PHKA1: variants seen among roughly 807,000 people sequenced by gnomAD.
The protein encoded by PHKA1 is phosphorylase kinase regulatory subunit alpha 1, also known as phosphorylase b kinase regulatory subunit alpha, skeletal muscle isoform.
A neutral mutation model predicts 110.2 loss-of-function variants in PHKA1; 60 were observed. The ratio of observed to expected loss-of-function variants is 0.54; its 90% CI spans 0.44 to 0.68. The LOEUF (loss-of-function observed/expected upper bound fraction) is 0.68. PHKA1 is among the 30% of genes least tolerant of loss of function. The pLI, the probability that PHKA1 is intolerant of heterozygous loss-of-function variation, is 0.00. For synonymous variants in PHKA1, 316 were observed against 333.6 expected, an observed-to-expected ratio of 0.95 and a Z score of 0.58; for missense variants, 801 against 942.5, an observed-to-expected ratio of 0.85 and a Z score of 1.97.
At chrX:72,644,735 T>G (rs1484842313) in intron 13 of PHKA1, among the ~76,000 whole-genome samples, 1 of 111,928 alleles carries the variant, frequency 8.9e-6, no homozygotes, top group Non-Finnish European at 1.9e-5. Flanking sequence ...TAAATACTTA[T>G]GTGCTCCTAG....
At chrX:72,583,459 G>C (rs1461533298) in intron 30 of PHKA1, among the ~76,000 whole-genome samples, 1 of 111,667 alleles carries the variant, frequency 9.0e-6, no homozygotes, top group Non-Finnish European at 1.9e-5. Context: ...AAAGACAAAT[G>C]GGGGACATGG....
intron 16 of PHKA1, among the ~76,000 whole-genome samples, chrX:72,628,601 T>A (rs1378789050): frequency 1.9e-4 from 20 of 104,875 alleles, no homozygotes; most frequent in African/African-American, 5.9e-4. Flanking sequence ...TATATATTTT[T>A]TTTTTTCAAA....
At chrX:72,589,537 T>C (rs1438779344) in intron 29 of PHKA1, among the ~76,000 whole-genome samples, 1 of 111,720 alleles carries the variant, frequency 9.0e-6, no homozygotes, top group Non-Finnish European at 1.9e-5. Flanking sequence ...ATGCCCTCTC[T>C]CACTATTCCT....
chrX:72,713,085 T>C (rs1239139694), intron 1 of PHKA1, 148 bp from the exon 2 acceptor site: 11 of 563,765 alleles, frequency 2.0e-5, no homozygotes, highest in Non-Finnish European at 3.0e-5. Flanking sequence ...TTCTGACCTA[T>C]TGCAGGCAAA....
chrX:72,700,727 CA>C (rs1416525515), intron 3 of PHKA1, among the ~76,000 whole-genome samples: 2 of 111,202 alleles, frequency 1.8e-5, no homozygotes, highest in Admixed American at 1.9e-4. Flanking sequence ...GTTTTATAAT[CA>C]GCTATAAAAT....
intron 23 of PHKA1, among the ~76,000 whole-genome samples, chrX:72,607,906 T>C (rs1440935729): frequency 9.0e-6 from 1 of 111,447 alleles, no homozygotes; most frequent in Non-Finnish European, 1.9e-5. Context: ...CTAGGCCAAA[T>C]GCCAGGCCTG....
At chrX:72,633,048 C>A (rs782575399) in intron 16 of PHKA1, among the ~76,000 whole-genome samples, 4 of 111,849 alleles carry the variant, frequency 3.6e-5, no homozygotes, top group Non-Finnish European at 7.5e-5. Flanking sequence ...CATCCCAACT[C>A]TCAGGTATTT....
intron 13 of PHKA1, among the ~76,000 whole-genome samples, chrX:72,649,852 C>T (rs2053406482): frequency 9.1e-6 from 1 of 109,839 alleles, no homozygotes; most frequent in South Asian, 4.0e-4. Flanking sequence ...ATTAGCTAGG[C>T]GTGGTGGTGC....
chrX:72,690,766 C>CT (rs1329160922), intron 4 of PHKA1, among the ~76,000 whole-genome samples: 2 of 111,432 alleles, frequency 1.8e-5, no homozygotes, highest in East Asian at 5.6e-4. Context: ...AATTTAATTT[C>CT]TTTTTTTGTT....
At chrX:72,650,533 A>G (rs2053417279) in intron 12 of PHKA1, 65 bp from the exon 13 acceptor site, 4 of 886,825 alleles carry the variant, frequency 4.5e-6, no homozygotes, top group Non-Finnish European at 6.6e-6. Flanking sequence ...CTTGAGGGAA[A>G]ACAACATCCC....
chrX:72,655,913 C>T (rs1170108838), intron 10 of PHKA1, among the ~76,000 whole-genome samples: 1 of 112,369 alleles, frequency 8.9e-6, no homozygotes, highest in Non-Finnish European at 1.9e-5. Context: ...AGCCACCACA[C>T]GCGGCCGAAA....
intron 2 of PHKA1, among the ~76,000 whole-genome samples, chrX:72,705,707 T>C (rs1474853478): frequency 8.9e-6 from 1 of 112,290 alleles, no homozygotes; most frequent in Non-Finnish European, 1.9e-5. Context: ...ATAAAGTGAA[T>C]TTTAATAAAG....
Position 72,710,831 on chromosome X carries a change from TA to T in PHKA1, c.237+1947del, listed in dbSNP as rs1304515903. On this transcript the variant is annotated intron_variant, in intron 2 of 31. Coordinates refer to ENST00000373542, the MANE Select transcript of PHKA1 (RefSeq NM_002637.4). ...GTTAAATTCTTTATTTTTTATTTTT[TA>T]TTTTTTTATTTTTTTTTTTATTTTT... is the stretch of plus-strand genomic sequence containing the variant. Among the ~76,000 whole-genome samples, 6,792 of 105,050 alleles carry T rather than the reference TA, an allele frequency of 0.065. 781 individuals are homozygous for T. In the East Asian group the frequency reaches 0.67, roughly 10 times the overall value. 91.2% of individuals were successfully genotyped at this position (105,050 alleles called of 115,157 possible).
intron 5 of PHKA1, among the ~76,000 whole-genome samples, chrX:72,682,108 C>T (rs1603270770): frequency 1.2e-5 from 1 of 84,251 alleles, no homozygotes; most frequent in East Asian, 4.7e-4. Flanking sequence ...CGGCCAGCCG[C>T]CCCGTCCGGG....
In PHKA1 at chrX:72,656,235, T is replaced by C. The variant is rs782663161; in HGVS notation, c.926A>G (p.Asn309Ser). 2 of 1,209,274 alleles carry C rather than the reference T, an allele frequency of 1.7e-6. No homozygotes were observed. The highest frequency in any genetic ancestry group is 3.0e-5 in the East Asian group (1 of 33,749). ...CTCAGCTGGTTCATAGTACAGACGA[T>C]TGGGATCCTAGTAAAAACACAATAA... ...DGYKTPKEDP[N>S]RLYYEPAELK... The change falls in exon 10 of 32, where the codon AAT becomes AGT. Residue 309 changes from asparagine to serine, a missense_variant. Physicochemically the swap from Asn to Ser is conservative, Grantham distance 46. Transcript: ENST00000373542.
chrX:72,665,095 A>C (rs782778023), intron 8 of PHKA1, among the ~76,000 whole-genome samples: 17 of 111,650 alleles, frequency 1.5e-4, no homozygotes, highest in African/African-American at 5.5e-4. Flanking sequence ...TTAAGGCCAA[A>C]AAATACAAAA....
intron 5 of PHKA1, among the ~76,000 whole-genome samples, chrX:72,682,515 G>C (rs1458825278): frequency 9.2e-6 from 1 of 108,987 alleles, no homozygotes; most frequent in African/African-American, 3.3e-5. Context: ...TTGAGAAATC[G>C]GATGGTTGCC....
intron 16 of PHKA1, among the ~76,000 whole-genome samples, chrX:72,631,883 A>T (rs1363309915): frequency 3.6e-5 from 4 of 112,057 alleles, no homozygotes; most frequent in Non-Finnish European, 5.6e-5. Flanking sequence ...GTATTTAAGG[A>T]TATGAAATTT....
rs140225187 is a variant in PHKA1, at chrX:72,593,227, T to C, written c.3120A>G (p.Ala1040=). 4.2e-6 allele frequency: 5 copies of C among 1,203,587 alleles called. No homozygotes were observed. In the African/African-American group the frequency reaches 8.7e-5, roughly 21 times the overall value. The stretch of plus-strand genomic sequence containing the variant: ...TATCTTTAGATGACTGCTGATCATA[T>C]GCACTAGGAAAGGACCCACTACTTG... ...MTPSSGSFPS[A]YDQQSSKDSR... The change falls in exon 29 of 32, where the codon GCA becomes GCG. Residue 1040 remains alanine (A), a synonymous_variant. Coordinates refer to ENST00000373542, the MANE Select transcript of PHKA1 (RefSeq NM_002637.4).
Sources: gnomAD v4.1 joint callset for allele counts (sites outside exome capture counted in the v4.1 genomes callset) on GRCh38, gnomAD v4.1.1 for gene constraint, MANE v1.5 for transcripts, NCBI Gene and HGNC (gene_info 2026-07-23, HGNC 2026-07-21) for gene names.